RABGGTB: variants seen among roughly 807,000 people sequenced by gnomAD.
The protein encoded by RABGGTB is geranylgeranyl transferase type-2 subunit beta.
Under a neutral mutation model 44.5 loss-of-function variants are expected in RABGGTB, and 20 were observed. That is an observed-to-expected ratio of 0.45 (90% CI 0.32 to 0.65). The LOEUF is 0.65. Ranked by LOEUF, RABGGTB falls within the 30% of genes least tolerant of loss-of-function variation. The pLI, the probability that RABGGTB is intolerant of heterozygous loss-of-function variation, is 0.05. For synonymous variants in RABGGTB, 128 were observed against 136.7 expected (o/e 0.94, Z 0.44); for missense variants, 302 against 398.7 (o/e 0.76, Z 2.06).
chr1:75,791,143 G>T, intron 4 of RABGGTB, 142 bp from the exon 5 acceptor site: 7 of 715,020 alleles, frequency 9.8e-6, no homozygotes, highest in Non-Finnish European at 1.4e-5. Flanking sequence ...AGGCACTTCA[G>T]ATTTAGCTTT....
At chr1:75,793,155 A>G (rs1216150534) in intron 7 of RABGGTB, among the ~76,000 whole-genome samples, 2 of 151,612 alleles carry the variant, frequency 1.3e-5, no homozygotes, top group Non-Finnish European at 2.9e-5. Context: ...AACTATTCCT[A>G]CACTATAGAT....
At chr1:75,790,095 ATAT>A in intron 4 of RABGGTB, 38 bp downstream of exon 4, 1 of 1,606,742 alleles carries the variant, frequency 6.2e-7, no homozygotes, top group Non-Finnish European at 8.5e-7. Flanking sequence ...CAAAATACCA[ATAT>A]TAAAATGTAC....
intron 3 of RABGGTB, 178 bp from the exon 4 acceptor site, chr1:75,789,774 A>G: frequency 1.7e-6 from 1 of 589,654 alleles, no homozygotes; most frequent in Non-Finnish European, 3.0e-6. Context: ...TACTTTAAAG[A>G]TTTGAGTTTT....
chr1:75,787,278 A>T (rs1649517846), intron 1 of RABGGTB: 2 of 624,082 alleles, frequency 3.2e-6, no homozygotes, highest in East Asian at 5.6e-5. Flanking sequence ...CCCAGGATGG[A>T]GTGCAGTGAC....
At chr1:75,793,020 G>T (rs1409313621) in intron 7 of RABGGTB, among the ~76,000 whole-genome samples, 4 of 152,102 alleles carry the variant, frequency 2.6e-5, no homozygotes, top group African/African-American at 9.7e-5. Context: ...CACCATATTG[G>T]CCAGGCTGGT....
In RABGGTB at chr1:75,791,490, G is replaced by C. The variant is rs750940114; in HGVS notation, c.498G>C (p.Lys166Asn). The C allele has an allele frequency of 6.2e-7, 1 of 1,613,134 alleles. No homozygotes were observed. Among genetic ancestry groups the C allele is most frequent in the South Asian group, 1.1e-5 (1 of 90,836 alleles). Residue 166 changes from lysine (K) to asparagine (N), a missense_variant, in exon 6 of 9, where the codon AAG becomes AAC. This residue lies in a region of RABGGTB where 213 missense variants were observed against 323.7 expected (regional missense o/e 0.66). Coordinates refer to ENST00000319942, the MANE Select transcript of RABGGTB (RefSeq NM_004582.4). ...AGCTTGATGCTATTAATGTGGAAAA[G>C]GCAATCGAATTTGTTTTATCCTGTA... ...LGKLDAINVE[K>N]AIEFVLSCMN...
chr1:75,790,596 C>T (rs1649622767), intron 4 of RABGGTB: 1 of 600,068 alleles, frequency 1.7e-6, no homozygotes, highest in African/African-American at 2.0e-5. Flanking sequence ...TCTTCTCTTT[C>T]TGGGCTTTCT....
chr1:75,788,037 A>G, intron 2 of RABGGTB: 1 of 444,660 alleles, frequency 2.2e-6, no homozygotes, highest in South Asian at 1.6e-5. Context: ...AGCAAAAAGT[A>G]GTAAACAACT....
chr1:75,786,201 G>T, upstream of RABGGTB: 2 of 1,593,446 alleles, frequency 1.3e-6, no homozygotes, highest in Non-Finnish European at 1.7e-6. Flanking sequence ...CCTGAGAGGC[G>T]CATCTGCGCA....
rs369756825 is a variant in RABGGTB at position 75,790,820 on chromosome 1, C to T, written c.416-465C>T. Among the ~76,000 whole-genome samples the T allele has an allele frequency of 3.3e-4, 51 of 152,246 alleles. 1 individual carries two copies. Among genetic ancestry groups the T allele is most frequent in the African/African-American group, 1.2e-3 (50 of 41,548 alleles). On this transcript the variant is annotated intron_variant, in intron 4 of 8. Coordinates refer to ENST00000319942, the MANE Select transcript of RABGGTB (RefSeq NM_004582.4). ...CAGCTTACAGAGTAGCTGAGATGTGCACCACAACACCTGGCTGGTTTTTGT... is the reference window on the plus strand; with the variant it reads ...CAGCTTACAGAGTAGCTGAGATGTGTACCACAACACCTGGCTGGTTTTTGT...
intron 7 of RABGGTB, among the ~76,000 whole-genome samples, chr1:75,792,890 G>A (rs1231132308): frequency 2.0e-5 from 3 of 152,100 alleles, no homozygotes; most frequent in East Asian, 1.9e-4. Context: ...GTGCAGTGAC[G>A]CCATCTTGAT....
At chr1:75,787,731 CT>C in intron 2 of RABGGTB, 127 bp downstream of exon 2, 1 of 760,516 alleles carries the variant, frequency 1.3e-6, no homozygotes. Flanking sequence ...TGTGCTGTGC[CT>C]TTGAACTTCA....
Position 75,791,568 on chromosome 1 carries a change from G to C in RABGGTB, c.576G>C (p.Gly192=). 1.2e-6 allele frequency: 2 copies of C among 1,606,398 alleles called. No individual in the cohort carries two copies. Among genetic ancestry groups the C allele is most frequent in the Non-Finnish European group, 1.7e-6 (2 of 1,176,270 alleles). Residue 192 remains glycine, a synonymous_variant, in exon 6 of 9, where the codon GGG becomes GGC. Transcript: ENST00000319942. The stretch of plus-strand genomic sequence containing the variant: ...GACCAGGTTCTGAATCCCATGCTGG[G>C]CAGGTAATTTATGAATACAGATGAA... The part of the protein sequence containing the change: ...GCRPGSESHA[G]QIYCCTGFLA...
intron 4 of RABGGTB, chr1:75,790,656 G>C: frequency 4.0e-6 from 1 of 251,096 alleles, no homozygotes; most frequent in Non-Finnish European, 6.3e-6. Context: ...CAGGGTCTTG[G>C]CTCTGTCCAG....
chr1:75,794,461 TAAAG>T lies in RABGGTB; in HGVS notation c.856-46_856-43del, dbSNP rs747989347. Reference sequence around the variant, plus strand: ...AGGTCAGGTATTCATAATTTGAAGTTAAAGAAGTTTTCATTTTGTGATCTGTATA... The same window carrying T: ...AGGTCAGGTATTCATAATTTGAAGTTAAGTTTTCATTTTGTGATCTGTATA... On this transcript the variant is annotated intron_variant, in intron 8 of 8. Coordinates refer to ENST00000319942, the MANE Select transcript of RABGGTB (RefSeq NM_004582.4). 3 of 1,548,186 alleles carry T rather than the reference TAAAG, an allele frequency of 1.9e-6. No individual in the cohort carries two copies. In the African/African-American group the frequency reaches 4.1e-5, roughly 21 times the overall value.
chr1:75,786,426 A>G, intron 1 of RABGGTB, 152 bp downstream of exon 1: 3 of 1,143,274 alleles, frequency 2.6e-6, no homozygotes, highest in Non-Finnish European at 3.9e-6. Flanking sequence ...GTGAAATATT[A>G]CTCAGCGTTT....
rs1458644285 is a variant in RABGGTB, at chr1:75,792,183, C to G, written c.582C>G (p.Ile194Met). The G allele has an allele frequency of 3.1e-6, 5 of 1,602,594 alleles. No individual in the cohort carries two copies. The highest frequency in any genetic ancestry group is 4.3e-6 in the Non-Finnish European group (5 of 1,169,790). ...AAACTTTATGTCTGTAATTTTAGATCTATTGTTGCACAGGATTTCTGGCAA... is the reference window on the plus strand; with the variant it reads ...AAACTTTATGTCTGTAATTTTAGATGTATTGTTGCACAGGATTTCTGGCAA... ...RPGSESHAGQ[I>M]YCCTGFLAIT... The change falls in exon 7 of 9, where the codon ATC becomes ATG. Residue 194 changes from isoleucine (I) to methionine (M), a missense_variant and splice_region_variant. Ile to Met is a conservative substitution (Grantham distance 10). This residue lies in a region of RABGGTB where 213 missense variants were observed against 323.7 expected (regional missense o/e 0.66). Coordinates refer to ENST00000319942, the MANE Select transcript of RABGGTB (RefSeq NM_004582.4).
Position 75,789,041 on chromosome 1 carries a change from G to T in RABGGTB, c.112-118G>T, listed in dbSNP as rs1498311. On this transcript the variant is annotated intron_variant, in intron 2 of 8. Coordinates refer to ENST00000319942, the MANE Select transcript of RABGGTB (RefSeq NM_004582.4). Reference sequence around the variant, plus strand: ...TTTAAACTCACTACTGATCAGTGCTGTTAAGGTCAGGAGAGGTAAAAATAG... The same window carrying T: ...TTTAAACTCACTACTGATCAGTGCTTTTAAGGTCAGGAGAGGTAAAAATAG... 0.27 allele frequency: 230,136 copies of T among 849,384 alleles called. 33,244 individuals carry two copies. The highest frequency in any genetic ancestry group is 0.35 in the Middle Eastern group (1,034 of 2,952). 52.6% of individuals were successfully genotyped at this position (849,384 alleles called of 1,614,324 possible). A position where few individuals can be genotyped will look rare whatever the true frequency, so the allele number is the denominator to read the frequency against.
Position 75,786,275 on chromosome 1 carries a change from G to C in RABGGTB, c.3+1G>C. The C allele has an allele frequency of 1.2e-6, 2 of 1,614,232 alleles. No individual in the cohort carries two copies. The highest frequency in any genetic ancestry group is 1.7e-6 in the Non-Finnish European group (2 of 1,180,032). On this transcript the variant is annotated splice_donor_variant, in intron 1 of 8. Transcript: ENST00000319942. LOFTEE classifies it high-confidence loss of function. ...CTCTCTCCTTTCCCTGTTAGACATG[G>C]TAAGTGTGAGTTTAGCGCTGCTGTC... is the stretch of plus-strand genomic sequence containing the variant.
Sources: allele counts gnomAD v4.1 joint callset (sites outside exome capture counted in the v4.1 genomes callset), GRCh38; gene constraint gnomAD v4.1.1; regional missense constraint gnomAD v4.1.1; transcripts MANE v1.5; gene names NCBI Gene and HGNC (gene_info 2026-07-23, HGNC 2026-07-21).